Variants in KLHL5 observed in about 807,000 individuals in gnomAD.
KLHL5 encodes kelch-like protein 5.
Under a neutral mutation model 77.7 loss-of-function variants are expected in KLHL5, and 48 were observed. The ratio of observed to expected loss-of-function variants is 0.62; its 90% CI spans 0.49 to 0.79. The LOEUF (loss-of-function observed/expected upper bound fraction) is 0.79. KLHL5 is among the 30% of genes least tolerant of loss of function. The pLI, the probability that KLHL5 is intolerant of heterozygous loss-of-function variation, is 0.00. For synonymous variants in KLHL5, 260 were observed against 297.0 expected, an observed-to-expected ratio of 0.88 and a Z score of 1.28; for missense variants, 723 against 859.7, an observed-to-expected ratio of 0.84 and a Z score of 1.99.
chr4:39,062,504 T>A lies in KLHL5; in HGVS notation c.-149T>A. The A allele has an allele frequency of 6.3e-7, 1 of 1,597,656 alleles. No homozygotes were observed. The highest frequency in any genetic ancestry group is 8.6e-7 in the Non-Finnish European group (1 of 1,168,458). On this transcript the variant is annotated 5_prime_UTR_variant, in exon 1 of 11. Transcript: ENST00000504108. ...TGATATATTGGCATAAAAGTAATTGTAGATATATATATGAATGTGATTTAT... is the reference window on the plus strand; with the variant it reads ...TGATATATTGGCATAAAAGTAATTGAAGATATATATATGAATGTGATTTAT...
chr4:39,062,352 G>C lies in KLHL5; in HGVS notation c.-301G>C. 7.0e-7 allele frequency: 1 copy of C among 1,433,058 alleles called. No homozygotes were observed. Among genetic ancestry groups the C allele is most frequent in the Non-Finnish European group, 9.1e-7 (1 of 1,100,022 alleles). The allele number at this position is 1,433,058 out of a possible 1,614,324, so 88.8% of individuals were successfully genotyped here. ...CAGTGTTTGTGAGACCTAATGGTCAGTATGGGAAAGGAGAGCCGGGAAAGT... is the reference window on the plus strand; with the variant it reads ...CAGTGTTTGTGAGACCTAATGGTCACTATGGGAAAGGAGAGCCGGGAAAGT... On this transcript the variant is annotated 5_prime_UTR_variant, in exon 1 of 11. Transcript: ENST00000504108.
rs73132923 is a variant in KLHL5 at position 39,072,471 on chromosome 4, T to C, written c.384-3494T>C. 7.2e-3 allele frequency among the ~76,000 whole-genome samples: 1,090 copies of C among 152,292 alleles called. 13 individuals carry two copies. Among genetic ancestry groups the C allele is most frequent in the African/African-American group, 0.025 (1,025 of 41,564 alleles). Reference sequence around the variant, plus strand: ...GGTCTATAGGACTCTAGACCAGCACTGCACAATGGAACTTTCAGCATTGAT... The same window carrying C: ...GGTCTATAGGACTCTAGACCAGCACCGCACAATGGAACTTTCAGCATTGAT... On this transcript the variant is annotated intron_variant, in intron 1 of 10. Transcript: ENST00000504108.
intron 7 of KLHL5, among the ~76,000 whole-genome samples, chr4:39,104,716 A>C (rs1471694988): frequency 6.6e-6 from 1 of 152,178 alleles, no homozygotes; most frequent in Non-Finnish European, 1.5e-5. Flanking sequence ...CAATGTTCTT[A>C]TTAAGTTACC....
chr4:39,083,107 G>A (rs553057081), intron 4 of KLHL5, among the ~76,000 whole-genome samples: 83 of 152,214 alleles, frequency 5.5e-4, no homozygotes, highest in African/African-American at 1.7e-3. Context: ...CCTCTCCTCC[G>A]TCGTTCCACT....
intron 6 of KLHL5, among the ~76,000 whole-genome samples, chr4:39,101,845 CAAA>C (rs139956032): frequency 5.7e-5 from 6 of 105,340 alleles, no homozygotes; most frequent in Non-Finnish European, 1.1e-4. Context: ...CAGTCTGTCT[CAAA>C]AAAAAAAAAA....
chr4:39,096,948 C>A, intron 6 of KLHL5, 70 bp downstream of exon 6: 1 of 1,265,204 alleles, frequency 7.9e-7, no homozygotes, highest in Non-Finnish European at 1.1e-6. Flanking sequence ...GTATATATGG[C>A]CAAAGAACTC....
At position 39,113,129 on chromosome 4, in the gene KLHL5, GGT is replaced by G; in HGVS notation, c.1800_1801del (p.Gly601ArgfsTer35). On this transcript the variant is annotated frameshift_variant, in exon 9 of 11. Transcript: ENST00000504108. LOFTEE classifies it high-confidence loss of function. ...TLCAQMSKRR[G>X]GVGVTTWNGL... ...GTGTGCACAGATGTCAAAAAGGAGA[GGT>G]GGCGTAGGAGTGACGACCTGGAATG... 6.2e-7 allele frequency: 1 copy of G among 1,614,122 alleles called. No homozygotes were observed. The highest frequency in any genetic ancestry group is 1.7e-4 in the Middle Eastern group (1 of 6,052).
intron 1 of KLHL5, among the ~76,000 whole-genome samples, chr4:39,056,931 C>T (rs1419627882): frequency 6.6e-6 from 1 of 152,144 alleles, no homozygotes; most frequent in Non-Finnish European, 1.5e-5. Flanking sequence ...TTGTTGCTTC[C>T]AGTCAAGTTT....
chr4:39,052,426 C>T (rs1346983401), intron 1 of KLHL5, among the ~76,000 whole-genome samples: 1 of 152,088 alleles, frequency 6.6e-6, no homozygotes, highest in Non-Finnish European at 1.5e-5. Context: ...GGCCCATTTA[C>T]TCTTTTTTAT....
Position 39,081,836 on chromosome 4 carries a change from T to C in KLHL5, c.704-127T>C, listed in dbSNP as rs1414062468. On this transcript the variant is annotated intron_variant, in intron 3 of 10. Transcript: ENST00000504108. This position sits in a 1 kb window ranked among gnomAD's most constrained non-coding sequence, Gnocchi z 4.3. ...TCCTTCTTTTCTTTTTGGGATGTCTTAAACCATGTAGGTCTGTAATGCATG... is the reference window on the plus strand; with the variant it reads ...TCCTTCTTTTCTTTTTGGGATGTCTCAAACCATGTAGGTCTGTAATGCATG... The C allele has an allele frequency of 1.6e-6, 1 of 607,768 alleles. No homozygotes were observed. The highest frequency in any genetic ancestry group is 2.6e-6 in the Non-Finnish European group (1 of 381,320). 37.6% of individuals were successfully genotyped at this position (607,768 alleles called of 1,614,324 possible).
At chr4:39,045,807 G>C (rs149546047) in intron 1 of KLHL5, among the ~76,000 whole-genome samples, 2 of 151,990 alleles carry the variant, frequency 1.3e-5, no homozygotes, top group African/African-American at 4.8e-5. Flanking sequence ...AAAAGGGGCA[G>C]ACAGGCTCAC....
At chr4:39,069,449 TATATATATATATATATATATATATAC>T (rs1435949247) in intron 1 of KLHL5, among the ~76,000 whole-genome samples, 494 of 42,054 alleles carry the variant, frequency 0.012, 8 homozygotes, top group East Asian at 0.091. Flanking sequence ...TATATATATA[TATATATATATATATATATATATATAC>T]ACACACACAC....
chr4:39,074,443 G>A (rs1370322405), intron 1 of KLHL5, among the ~76,000 whole-genome samples: 1 of 152,086 alleles, frequency 6.6e-6, no homozygotes, highest in Non-Finnish European at 1.5e-5. Flanking sequence ...TTCAACCCGT[G>A]TATAGAGAAA....
chr4:39,068,464 T>TGTGA (rs1437812945), intron 1 of KLHL5, among the ~76,000 whole-genome samples: 1 of 151,606 alleles, frequency 6.6e-6, no homozygotes, highest in Non-Finnish European at 1.5e-5. Flanking sequence ...TGTGTGTGTG[T>TGTGA]GAAATATTTC....
chr4:39,119,786 C>T (rs1445594211), intron 10 of KLHL5, among the ~76,000 whole-genome samples: 1 of 152,196 alleles, frequency 6.6e-6, no homozygotes, highest in Non-Finnish European at 1.5e-5. Flanking sequence ...GTTGTCATGA[C>T]AGTGTCAGCT....
chr4:39,062,891 C>T lies in KLHL5; in HGVS notation c.239C>T (p.Pro80Leu), dbSNP rs918204625. 1.1e-5 allele frequency: 18 copies of T among 1,614,046 alleles called. No individual in the cohort carries two copies. Among genetic ancestry groups the T allele is most frequent in the African/African-American group, 2.7e-5 (2 of 74,928 alleles). Residue 80 changes from proline to leucine, a missense_variant, in exon 1 of 11, where the codon CCT (proline) becomes CTT (leucine). Transcript: ENST00000504108. ...RSSQLDFQNS[P>L]SWPMASTSEV... ...AGCCAACTGGATTTTCAGAATTCAC[C>T]TTCTTGGCCAATGGCATCCACCTCT...
At chr4:39,070,307 GA>G (rs1265317243) in intron 1 of KLHL5, among the ~76,000 whole-genome samples, 6 of 152,076 alleles carry the variant, frequency 3.9e-5, no homozygotes, top group Non-Finnish European at 7.4e-5. Flanking sequence ...TGCTGGATAG[GA>G]AAAAACAATG....
chr4:39,120,319 A>G (rs1455820283), intron 10 of KLHL5: 1 of 152,166 alleles, frequency 6.6e-6, no homozygotes, highest in East Asian at 1.9e-4. Context: ...AGATTTAAGA[A>G]TTGTTCTTTA....
intron 1 of KLHL5, 39 bp downstream of exon 1, chr4:39,063,074 G>T (rs767272333): frequency 6.8e-7 from 1 of 1,476,316 alleles, no homozygotes; most frequent in Non-Finnish European, 9.2e-7. Context: ...GGGTGTGGGG[G>T]TATGGCTCTA....
Sources: allele counts gnomAD v4.1 joint callset (sites outside exome capture counted in the v4.1 genomes callset), GRCh38; gene constraint gnomAD v4.1.1; non-coding constraint Gnocchi (gnomAD v3.1); transcripts MANE v1.5; gene names NCBI Gene and HGNC (gene_info 2026-07-23, HGNC 2026-07-21).